KALRN: variants seen among roughly 807,000 people sequenced by gnomAD.
The protein encoded by KALRN is kalirin RhoGEF kinase, also known as kalirin.
KALRN carries 70 observed loss-of-function variants against 353.7 expected under a neutral mutation model. That is an observed-to-expected ratio of 0.20 (90% CI 0.16 to 0.24). The LOEUF (loss-of-function observed/expected upper bound fraction) is 0.24. Among genes scored for constraint, KALRN ranks in the 10% least tolerant of loss-of-function variants. The probability of loss-of-function intolerance (pLI) is 1.00; values close to 1 mark genes in which losing one functional copy is unlikely to be tolerated. For missense variants in KALRN, 2,791 were observed against 3,756.7 expected (o/e 0.74, Z 6.72); for synonymous variants, 1,391 against 1,434.8 (o/e 0.97, Z 0.69).
At chr3:124,395,045 T>G in intron 11 of KALRN, 90 bp from the exon 12 acceptor site, 2 of 938,014 alleles carry the variant, frequency 2.1e-6, no homozygotes, top group Non-Finnish European at 3.3e-6. Flanking sequence ...TGAGAGTAAG[T>G]TGGGTGATTC....
chr3:124,637,122 A>C, intron 36 of KALRN, 86 bp from the exon 37 acceptor site: 1 of 1,122,772 alleles, frequency 8.9e-7, no homozygotes, highest in Non-Finnish European at 1.4e-6. Flanking sequence ...CCCTGGCTTG[A>C]GCTTTGGACT....
At chr3:124,164,987 G>A (rs1162690607) in intron 1 of KALRN, among the ~76,000 whole-genome samples, 1 of 152,304 alleles carries the variant, frequency 6.6e-6, no homozygotes. Context: ...GCTCTCTGCA[G>A]TATCCTTCTG....
intron 14 of KALRN, among the ~76,000 whole-genome samples, chr3:124,419,626 G>A (rs908157224): frequency 1.3e-5 from 2 of 152,224 alleles, no homozygotes; most frequent in Non-Finnish European, 2.9e-5. Flanking sequence ...AGATGGATAC[G>A]ACTGACATGG....
chr3:124,718,519 G>A (rs529595939), intron 59 of KALRN, among the ~76,000 whole-genome samples: 1 of 152,244 alleles, frequency 6.6e-6, no homozygotes, highest in South Asian at 2.1e-4. Context: ...ATGACATCTG[G>A]TGTGAGAGAA....
Position 124,334,288 on chromosome 3 carries a change from A to G in KALRN, c.1440A>G (p.Leu480=), listed in dbSNP as rs2080901974. The G allele has an allele frequency of 1.2e-6, 2 of 1,614,140 alleles. No homozygotes were observed. Among genetic ancestry groups the G allele is most frequent in the Non-Finnish European group, 1.7e-6 (2 of 1,179,976 alleles). The part of the protein sequence containing the change: ...YTEVSQDGKA[L]LDVLQRPLSP... The stretch of plus-strand genomic sequence containing the variant: ...AGGTCAGCCAGGATGGCAAAGCACT[A>G]CTTGATGTGCTGCAGCGGCCCCTGA... Residue 480 remains leucine (L), a synonymous_variant, in exon 9 of 60, where the codon CTA becomes CTG. Coordinates refer to ENST00000682506, the MANE Select transcript of KALRN (RefSeq NM_001388419.1). This position sits in a 1 kb window ranked among gnomAD's most constrained non-coding sequence, Gnocchi z 4.2.
In KALRN at chr3:124,411,433, C is replaced by CTTTTTTTTTTTTTTTTTTT. The variant is rs61485429; in HGVS notation, c.2347-2027_2347-2009dup. ...AAGCCTATGTATACTTTAAATTATGCTTTTTTTTTTTTTTTTTTTTTTTTT... is the reference window on the plus strand; with the variant it reads ...AAGCCTATGTATACTTTAAATTATGCTTTTTTTTTTTTTTTTTTTTTTTTTTTTTTTTTTTTTTTTTTTT... On this transcript the variant is annotated intron_variant, in intron 13 of 59. Transcript: ENST00000682506. 1.7e-4 allele frequency among the ~76,000 whole-genome samples: 9 copies of CTTTTTTTTTTTTTTTTTTT among 51,496 alleles called. 4 individuals are homozygous for CTTTTTTTTTTTTTTTTTTT. The highest frequency in any genetic ancestry group is 1.9e-4 in the African/African-American group (3 of 15,944). 33.8% of individuals were successfully genotyped at this position (51,496 alleles called of 152,430 possible). A position where few individuals can be genotyped will look rare whatever the true frequency, so the allele number is the denominator to read the frequency against.
chr3:124,091,232 G>A lies in KALRN; in HGVS notation c.73+57419G>A, dbSNP rs377617584. Among the ~76,000 whole-genome samples the A allele has an allele frequency of 1.5e-3, 235 of 152,322 alleles. 1 individual carries two copies. Among genetic ancestry groups the A allele is most frequent in the African/African-American group, 2.7e-3 (111 of 41,596 alleles). On this transcript the variant is annotated intron_variant, in intron 1 of 59. Transcript: ENST00000682506. Reference sequence around the variant, plus strand: ...TCAAAATGGTAGCCGGGTGGAGCCCGCTTGTTGGGGCAGGGTGAGGGAGAT... The same window carrying A: ...TCAAAATGGTAGCCGGGTGGAGCCCACTTGTTGGGGCAGGGTGAGGGAGAT...
chr3:124,544,569 ACT>A (rs1200872321), intron 33 of KALRN, among the ~76,000 whole-genome samples: 1 of 151,938 alleles, frequency 6.6e-6, no homozygotes, highest in Non-Finnish European at 1.5e-5. Flanking sequence ...ACAAAACAAA[ACT>A]ATCTATATCG....
At chr3:124,219,013 G>A (rs1281973807) in intron 1 of KALRN, among the ~76,000 whole-genome samples, 2 of 152,186 alleles carry the variant, frequency 1.3e-5, no homozygotes. Flanking sequence ...ATGTGAGAGA[G>A]GGAGAAAGAT....
chr3:124,203,991 A>G (rs925219287), intron 1 of KALRN, among the ~76,000 whole-genome samples: 1 of 152,216 alleles, frequency 6.6e-6, no homozygotes, highest in Non-Finnish European at 1.5e-5. Flanking sequence ...AGGGTCCTCA[A>G]CTGCAGGACA....
intron 38 of KALRN, 119 bp downstream of exon 38, chr3:124,651,057 C>T: frequency 2.4e-6 from 3 of 1,253,684 alleles, no homozygotes; most frequent in Non-Finnish European, 3.4e-6. Context: ...ATCTTTCATT[C>T]TAAGACTCAG....
chr3:124,156,153 G>A (rs949997138), intron 1 of KALRN, among the ~76,000 whole-genome samples: 57 of 152,282 alleles, frequency 3.7e-4, no homozygotes, highest in African/African-American at 1.3e-3. Flanking sequence ...TCCTCTTAGG[G>A]GACTTGGACC....
intron 37 of KALRN, 70 bp downstream of exon 37, chr3:124,637,373 T>A: frequency 8.8e-7 from 1 of 1,133,012 alleles, no homozygotes; most frequent in Non-Finnish European, 1.3e-6. Flanking sequence ...TGCATCTGTC[T>A]GCCGTTTTCT....
intron 33 of KALRN, among the ~76,000 whole-genome samples, chr3:124,500,255 C>T (rs2064356523): frequency 6.6e-6 from 1 of 152,126 alleles, no homozygotes; most frequent in Admixed American, 6.5e-5. Context: ...TATTTAGTTC[C>T]ATCTCAGTGT....
At chr3:124,086,703 A>T (rs1011134428) in intron 1 of KALRN, among the ~76,000 whole-genome samples, 1 of 152,216 alleles carries the variant, frequency 6.6e-6, no homozygotes, top group Non-Finnish European at 1.5e-5. Context: ...ATGAAAATAT[A>T]ATGTACTCAC....
intron 34 of KALRN, among the ~76,000 whole-genome samples, chr3:124,565,689 G>C (rs1373543241): frequency 6.6e-6 from 1 of 152,200 alleles, no homozygotes; most frequent in Non-Finnish European, 1.5e-5. Context: ...GGGAAGATGA[G>C]ACTTCCTGAC....
At chr3:124,297,456 C>T (rs1473607492) in intron 5 of KALRN, among the ~76,000 whole-genome samples, 1 of 152,180 alleles carries the variant, frequency 6.6e-6, no homozygotes, top group African/African-American at 2.4e-5. Context: ...GTGTGAGTCA[C>T]TGAGCTGAGA....
intron 4 of KALRN, 23 bp downstream of exon 4, chr3:124,264,713 A>G (rs968246099): frequency 1.2e-6 from 2 of 1,600,534 alleles, no homozygotes; most frequent in African/African-American, 2.7e-5. Flanking sequence ...TCTCTCTCTT[A>G]GCATCTTCTT....
At chr3:124,487,292 C>A (rs2062669918) in intron 28 of KALRN, among the ~76,000 whole-genome samples, 3 of 152,168 alleles carry the variant, frequency 2.0e-5, no homozygotes, top group Non-Finnish European at 4.4e-5. Context: ...CTCCACCAAC[C>A]AGATACTATA....
Sources: gnomAD v4.1 joint callset for allele counts (sites outside exome capture counted in the v4.1 genomes callset) on GRCh38, gnomAD v4.1.1 for gene constraint, Gnocchi (gnomAD v3.1) non-coding constraint, MANE v1.5 for transcripts, NCBI Gene and HGNC (gene_info 2026-07-23, HGNC 2026-07-21) for gene names.